Variants in IK observed in about 807,000 individuals in gnomAD.
IK encodes the protein protein Red.
A neutral mutation model predicts 90.9 loss-of-function variants in IK; 47 were observed. That is an observed-to-expected ratio of 0.52 (90% CI 0.41 to 0.66). The LOEUF is 0.66. Ranked by LOEUF, IK falls within the 30% of genes least tolerant of loss-of-function variation. The probability of loss-of-function intolerance (pLI) is 0.00; values close to 1 mark genes in which losing one functional copy is unlikely to be tolerated. For missense variants in IK, 385 were observed against 709.3 expected (o/e 0.54, Z 5.19); for synonymous variants, 201 against 227.5 (o/e 0.88, Z 1.05).
rs1482956022 is a variant in IK at position 140,655,961 on chromosome 5, T to C, written c.770T>C (p.Ile257Thr). The C allele has an allele frequency of 3.0e-5, 46 of 1,555,152 alleles. No homozygotes were observed. The highest frequency in any genetic ancestry group is 4.0e-5 in the Non-Finnish European group (46 of 1,148,466). Residue 257 changes from isoleucine to threonine, a missense_variant, in exon 9 of 20, where the codon ATC becomes ACC. Ile to Thr is a moderately conservative substitution (Grantham distance 89). This residue lies in a region of IK where 33 missense variants were observed against 86.1 expected (regional missense o/e 0.38). Transcript: ENST00000417647. Reference sequence around the variant, plus strand: ...GACACAGATATCCCCACCACTCTTATCCGCAGCAAGGCTGATTGCCCCACC... The same window carrying C: ...GACACAGATATCCCCACCACTCTTACCCGCAGCAAGGCTGATTGCCCCACC... ...YADTDIPTTL[I>T]RSKADCPTME... is the part of the protein sequence containing the mutation.
chr5:140,648,528 C>G lies in IK; in HGVS notation c.74C>G (p.Ser25Cys). 1 of 1,613,746 alleles carries G rather than the reference C, an allele frequency of 6.2e-7. No individual in the cohort carries two copies. Among genetic ancestry groups the G allele is most frequent in the Non-Finnish European group, 8.5e-7 (1 of 1,179,656 alleles). The part of the protein sequence containing the change: ...PDGHDVDDPH[S>C]FHQSKLTNED... Reference sequence around the variant, plus strand: ...GGCCACGATGTGGATGATCCTCACTCCTTCCACCAGTGAGTATTTTGTGCT... The same window carrying G: ...GGCCACGATGTGGATGATCCTCACTGCTTCCACCAGTGAGTATTTTGTGCT... The change falls in exon 2 of 20, where the codon TCC becomes TGC. Residue 25 changes from serine (S) to cysteine (C), a missense_variant. Ser to Cys is a moderately radical substitution (Grantham distance 112, BLOSUM62 -1). Around this residue, in one of 8 missense-constraint regions of IK, gnomAD observed 42 missense variants for 37.9 expected, o/e 1.11. Coordinates refer to ENST00000417647, the MANE Select transcript of IK (RefSeq NM_006083.4).
chr5:140,661,889 C>T lies in IK; in HGVS notation c.1503-10C>T. On this transcript the variant is annotated splice_polypyrimidine_tract_variant and intron_variant, in intron 17 of 19. Transcript: ENST00000417647. The surrounding 1 kb of genome is among the most constrained non-coding windows in gnomAD (Gnocchi z 4.2). The stretch of plus-strand genomic sequence containing the variant: ...TCTCTGATGCATTCTTTCCCAACTG[C>T]TTTTTTCAGGGCTGCATTCCAGTAT... 6.3e-7 allele frequency: 1 copy of T among 1,599,796 alleles called. No individual in the cohort carries two copies. Among genetic ancestry groups the T allele is most frequent in the Non-Finnish European group, 8.5e-7 (1 of 1,172,636 alleles).
intron 10 of IK, among the ~76,000 whole-genome samples, chr5:140,657,918 T>TG: frequency 6.6e-6 from 1 of 152,244 alleles, no homozygotes. Context: ...TTATTTTTTT[T>TG]AAAAGAGATT....
intron 2 of IK, among the ~76,000 whole-genome samples, chr5:140,650,299 C>A (rs1757593428): frequency 6.6e-6 from 1 of 152,120 alleles, no homozygotes; most frequent in Non-Finnish European, 1.5e-5. Flanking sequence ...GATTAGATAT[C>A]AAGTTGGATT....
chr5:140,653,094 G>A lies in IK; in HGVS notation c.354G>A (p.Glu118=). 6.2e-7 allele frequency: 1 copy of A among 1,613,918 alleles called. No homozygotes were observed. Among genetic ancestry groups the A allele is most frequent in the Non-Finnish European group, 8.5e-7 (1 of 1,179,878 alleles). ...TGAACAAAGATTATGAAGAAACCGA[G>A]CTTATCAGCACCACAGCTAACTATA... ...DGVNKDYEET[E]LISTTANYRA... is the part of the protein sequence containing the mutation. The change falls in exon 5 of 20, where the codon GAG becomes GAA. Residue 118 remains glutamate, a synonymous_variant. Transcript: ENST00000417647.
Position 140,653,055 on chromosome 5 carries a change from A to G in IK, c.315A>G (p.Glu105=). 1.9e-6 allele frequency: 3 copies of G among 1,613,932 alleles called. No individual in the cohort carries two copies. Among genetic ancestry groups the G allele is most frequent in the Non-Finnish European group, 2.5e-6 (3 of 1,179,854 alleles). Residue 105 remains glutamate, a synonymous_variant, in exon 5 of 20, where the codon GAA becomes GAG. Coordinates refer to ENST00000417647, the MANE Select transcript of IK (RefSeq NM_006083.4). ...AGAAGTACCGGGATCGTGCCAAGGA[A>G]CGGAGAGATGGAGTGAACAAAGATT... The part of the protein sequence containing the change: ...LAEKYRDRAK[E]RRDGVNKDYE...
In IK at chr5:140,661,688, C is replaced by T. The variant is rs754981823; in HGVS notation, c.1482C>T (p.Asn494=). The change falls in exon 17 of 20, where the codon AAC becomes AAT. Residue 494 remains asparagine (N), a synonymous_variant. Coordinates refer to ENST00000417647, the MANE Select transcript of IK (RefSeq NM_006083.4). This position sits in a 1 kb window ranked among gnomAD's most constrained non-coding sequence, Gnocchi z 4.2. ...DTQEEYSEYM[N]NKEALPKAAF... ...AGGAAGAATACAGCGAGTATATGAA[C>T]AACAAAGAAGCTTTGCCCAAGTGAG... 2 of 1,609,116 alleles carry T rather than the reference C, an allele frequency of 1.2e-6. No individual in the cohort carries two copies. The highest frequency in any genetic ancestry group is 4.5e-5 in the East Asian group (2 of 44,784).
intron 14 of IK, 60 bp downstream of exon 14, chr5:140,659,894 C>G: frequency 8.4e-7 from 1 of 1,196,574 alleles, no homozygotes; most frequent in Non-Finnish European, 1.2e-6. Flanking sequence ...ACTCCAACCC[C>G]CCCTGCCTCC....
intron 16 of IK, 40 bp downstream of exon 16, chr5:140,660,855 ATTAT>A: frequency 2.0e-6 from 3 of 1,521,368 alleles, no homozygotes; most frequent in African/African-American, 1.4e-5. Context: ...TTGGGCAGTT[ATTAT>A]TTGTTTTACA....
intron 8 of IK, among the ~76,000 whole-genome samples, chr5:140,655,043 G>A (rs987591563): frequency 6.6e-6 from 1 of 151,866 alleles, no homozygotes; most frequent in Non-Finnish European, 1.5e-5. Context: ...TCAAACTCCT[G>A]GGCTCAAGTG....
In IK at chr5:140,660,072, A is replaced by G. The variant is rs547971839; in HGVS notation, c.1275-43A>G. 2.6e-6 allele frequency: 4 copies of G among 1,556,218 alleles called. 1 individual carries two copies. In the South Asian group the frequency reaches 4.5e-5, roughly 18 times the overall value. On this transcript the variant is annotated intron_variant, in intron 14 of 19. Transcript: ENST00000417647. ...CCCCTCCTGGCTGAAGCTTTACAGC[A>G]ATAGGTAGAATCCTGTGTAGTGTTT...
intron 15 of IK, chr5:140,660,537 A>G (rs1403322680): frequency 2.0e-5 from 11 of 548,772 alleles, no homozygotes; most frequent in Admixed American, 1.7e-4. Context: ...ACCTCAGGTA[A>G]TCTGCCCTCC....
At chr5:140,660,067 A>T in intron 14 of IK, 48 bp from the exon 15 acceptor site, 1 of 1,542,442 alleles carries the variant, frequency 6.5e-7, no homozygotes, top group South Asian at 1.1e-5. Context: ...CTGAAGCTTT[A>T]CAGCAATAGG....
At position 140,651,785 on chromosome 5, in the gene IK, C is replaced by T. The variant is rs1290724337; in HGVS notation, c.155C>T (p.Pro52Leu). 2 of 1,608,396 alleles carry T rather than the reference C, an allele frequency of 1.2e-6. No individual in the cohort carries two copies. Among genetic ancestry groups the T allele is most frequent in the Non-Finnish European group, 1.7e-6 (2 of 1,174,968 alleles). ...AGGGCTGCACCTACCTCTGCACCAC[C>T]TTCTAAGTCACGTCACCATGAGTAA... ...TPRAAPTSAP[P>L]SKSRHHEMPR... The change falls in exon 3 of 20, where the codon CCT becomes CTT. Residue 52 changes from proline to leucine, a missense_variant. Physicochemically the swap from Pro to Leu is moderately conservative, Grantham distance 98. Coordinates refer to ENST00000417647, the MANE Select transcript of IK (RefSeq NM_006083.4).
rs1456660177 is a variant in IK, at chr5:140,654,818, C to A, written c.637+91C>A. 6.0e-6 allele frequency: 5 copies of A among 839,986 alleles called. No individual in the cohort carries two copies. In the Admixed American group the frequency reaches 1.1e-4, roughly 18 times the overall value. 52.0% of individuals were successfully genotyped at this position (839,986 alleles called of 1,614,324 possible). ...GGAAGGATATGCTTCTCCTTTCCCC[C>A]AACCTCCTTTCTTCTTTCTTTCTTT... On this transcript the variant is annotated intron_variant, in intron 8 of 19. Transcript: ENST00000417647.
In IK at chr5:140,661,338, C is replaced by A. The variant is rs1036523703; in HGVS notation, c.1414-282C>A. Reference sequence around the variant, plus strand: ...ATTAGTTTTGTGAACTTGCCAAGTTCTTTCACTGTTTATGCCTCAGTTTCC... The same window carrying A: ...ATTAGTTTTGTGAACTTGCCAAGTTATTTCACTGTTTATGCCTCAGTTTCC... On this transcript the variant is annotated intron_variant, in intron 16 of 19. Coordinates refer to ENST00000417647, the MANE Select transcript of IK (RefSeq NM_006083.4). This position sits in a 1 kb window ranked among gnomAD's most constrained non-coding sequence, Gnocchi z 4.2. 2.3e-5 allele frequency: 9 copies of A among 391,926 alleles called. No homozygotes were observed. In the South Asian group the frequency reaches 2.9e-4, roughly 12 times the overall value. 24.3% of individuals were successfully genotyped at this position (391,926 alleles called of 1,614,324 possible). A position where few individuals can be genotyped will look rare whatever the true frequency, so the allele number is the denominator to read the frequency against.
chr5:140,659,859 T>C (rs375796037), intron 14 of IK, 25 bp downstream of exon 14: 2 of 1,525,540 alleles, frequency 1.3e-6, no homozygotes, highest in Non-Finnish European at 1.8e-6. Context: ...AATACGTTCC[T>C]GGGTTCCAGA....
At chr5:140,655,468 A>G (rs756475754) in intron 8 of IK, among the ~76,000 whole-genome samples, 5 of 152,252 alleles carry the variant, frequency 3.3e-5, no homozygotes, top group Admixed American at 6.5e-5. Context: ...ATCATCATCA[A>G]TATTACCTTA....
At chr5:140,657,713 A>G in intron 10 of IK, 51 bp downstream of exon 10, 1 of 1,262,830 alleles carries the variant, frequency 7.9e-7, no homozygotes. Flanking sequence ...ACGTTTGGGG[A>G]TAAAACCAAG....
Sources: allele counts gnomAD v4.1 joint callset (sites outside exome capture counted in the v4.1 genomes callset), GRCh38; gene constraint gnomAD v4.1.1; regional missense constraint gnomAD v4.1.1; non-coding constraint Gnocchi (gnomAD v3.1); transcripts MANE v1.5; gene names NCBI Gene and HGNC (gene_info 2026-07-23, HGNC 2026-07-21).